SRRM1: variants seen among roughly 807,000 people sequenced by gnomAD.
The protein encoded by SRRM1 is serine/arginine repetitive matrix protein 1.
A neutral mutation model predicts 110.2 loss-of-function variants in SRRM1; 19 were observed. The ratio of observed to expected loss-of-function variants is 0.17; its 90% CI spans 0.12 to 0.25. The LOEUF is 0.25. SRRM1 is among the 10% of genes least tolerant of loss of function. The pLI, the probability that SRRM1 is intolerant of heterozygous loss-of-function variation, is 1.00. For synonymous variants in SRRM1, 443 were observed against 414.9 expected (o/e 1.07, Z -0.82); for missense variants, 918 against 1,145.8 (o/e 0.80, Z 2.87).
At chr1:24,670,589 G>C (rs1288542338) in intron 15 of SRRM1, among the ~76,000 whole-genome samples, 1 of 152,114 alleles carries the variant, frequency 6.6e-6, no homozygotes, top group African/African-American at 2.4e-5. Flanking sequence ...CTTCCTGGAC[G>C]CAGGTGATCC....
chr1:24,651,420 G>A lies in SRRM1; in HGVS notation c.533G>A (p.Arg178Lys). 6.2e-7 allele frequency: 1 copy of A among 1,613,596 alleles called. No homozygotes were observed. The highest frequency in any genetic ancestry group is 8.5e-7 in the Non-Finnish European group (1 of 1,179,848). Reference protein sequence around the residue: ...RSRSPRRRKSRSPSPRRRSSP... With the variant: ...RSRSPRRRKSKSPSPRRRSSP... ...TACTTTCATCCTAGACGCAAATCCA[G>A]ATCTCCTTCCCCTAGAAGACGATCT... Residue 178 changes from arginine to lysine, a missense_variant, in exon 6 of 17, where the codon AGA becomes AAA. Arg to Lys is a conservative substitution (Grantham distance 26). This residue lies in a region of SRRM1 where 456 missense variants were observed against 453.5 expected (regional missense o/e 1.01). Coordinates refer to ENST00000323848, the MANE Select transcript of SRRM1 (RefSeq NM_005839.4).
intron 12 of SRRM1, among the ~76,000 whole-genome samples, chr1:24,664,629 T>C (rs1344187053): frequency 5.9e-5 from 9 of 152,104 alleles, no homozygotes; most frequent in Admixed American, 4.6e-4. Flanking sequence ...TCAATAAGAG[T>C]GTTTTCTTGG....
chr1:24,670,360 A>G, intron 15 of SRRM1, 45 bp downstream of exon 15: 4 of 1,516,324 alleles, frequency 2.6e-6, no homozygotes, highest in South Asian at 1.3e-5. Context: ...AAATATGTAT[A>G]TGGTCACTTT....
intron 8 of SRRM1, among the ~76,000 whole-genome samples, chr1:24,653,531 T>C (rs1662258445): frequency 6.6e-6 from 1 of 152,148 alleles, no homozygotes; most frequent in South Asian, 2.1e-4. Context: ...AACTTGGAAG[T>C]TTTCCATAAT....
At chr1:24,650,380 G>A (rs1659939453) in intron 5 of SRRM1, among the ~76,000 whole-genome samples, 1 of 151,954 alleles carries the variant, frequency 6.6e-6, no homozygotes, top group Non-Finnish European at 1.5e-5. Flanking sequence ...AGTTAATTTG[G>A]GTTTTTAAAA....
intron 8 of SRRM1, chr1:24,654,231 T>C (rs1234761431): frequency 8.6e-7 from 1 of 1,167,328 alleles, no homozygotes; most frequent in East Asian, 5.7e-5. Flanking sequence ...TAGCAGTCAA[T>C]ATTTTACAGA....
At chr1:24,655,530 C>T (rs1663587950) in intron 9 of SRRM1, among the ~76,000 whole-genome samples, 2 of 152,074 alleles carry the variant, frequency 1.3e-5, no homozygotes, top group African/African-American at 4.8e-5. Flanking sequence ...TCTTTTAGTT[C>T]TTTCTTGGTC....
intron 11 of SRRM1, 23 bp from the exon 12 acceptor site, chr1:24,662,636 AT>A (rs774411064): frequency 1.2e-6 from 2 of 1,607,914 alleles, no homozygotes; most frequent in Admixed American, 1.7e-5. Context: ...CTAATGTAAT[AT>A]TTTTTTAATT....
intron 15 of SRRM1, among the ~76,000 whole-genome samples, chr1:24,670,956 T>C (rs1672423039): frequency 6.6e-6 from 1 of 152,248 alleles, no homozygotes; most frequent in East Asian, 1.9e-4. Context: ...AGATGGTAGC[T>C]AGAGACATGG....
chr1:24,662,673 C>G lies in SRRM1; in HGVS notation c.1497C>G (p.Ser499=), dbSNP rs1419679862. The change falls in exon 12 of 17, where the codon TCC becomes TCG. Residue 499 remains serine (S), a synonymous_variant. Coordinates refer to ENST00000323848, the MANE Select transcript of SRRM1 (RefSeq NM_005839.4). ...TTGTAATTATAGACTCTGGCTCCTC[C>G]TCCTCCTCAGAAGATGAACGACCCA... ...NQQSSSDSGS[S]SSSEDERPKR... is the part of the protein sequence containing the mutation. 2 of 1,613,822 alleles carry G rather than the reference C, an allele frequency of 1.2e-6. No individual in the cohort carries two copies. The highest frequency in any genetic ancestry group is 1.7e-5 in the Admixed American group (1 of 59,984).
Position 24,670,315 on chromosome 1 carries a change from A to C in SRRM1, c.2400A>C (p.Arg800Ser). ...CAACACCGAGCCCATCACCGCCAAG[A>C]GTATGTGTCTGCCTTATTTTGGACA... ...KSPTPSPSPP[R>S]NSDQEGGGKK... Residue 800 changes from arginine to serine, a missense_variant and splice_region_variant, in exon 15 of 17, where the codon AGA (arginine) becomes AGC (serine). Arg to Ser is a moderately radical substitution (Grantham distance 110). Transcript: ENST00000323848. The C allele has an allele frequency of 6.2e-7, 1 of 1,602,986 alleles. No homozygotes were observed. Among genetic ancestry groups the C allele is most frequent in the Non-Finnish European group, 8.5e-7 (1 of 1,175,326 alleles).
intron 8 of SRRM1, among the ~76,000 whole-genome samples, chr1:24,654,093 C>T (rs1034158061): frequency 5.3e-5 from 8 of 152,304 alleles, no homozygotes; most frequent in African/African-American, 1.9e-4. Flanking sequence ...TCAGGCATCA[C>T]ACTTTTCTAA....
intron 6 of SRRM1, 72 bp from the exon 7 acceptor site, chr1:24,652,362 A>G (rs1182491362): frequency 1.8e-6 from 2 of 1,095,132 alleles, no homozygotes; most frequent in South Asian, 1.9e-5. Flanking sequence ...ACTTTATTAC[A>G]TCATTGTGTA....
Position 24,672,210 on chromosome 1 carries a change from T to G in SRRM1, c.2639T>G (p.Leu880Arg). 1 of 1,611,118 alleles carries G rather than the reference T, an allele frequency of 6.2e-7. No homozygotes were observed. Among genetic ancestry groups the G allele is most frequent in the Non-Finnish European group, 8.5e-7 (1 of 1,178,398 alleles). Residue 880 changes from leucine (L) to arginine (R), a missense_variant, in exon 17 of 17, where the codon CTT becomes CGT. Physicochemically the swap from Leu to Arg is moderately radical, Grantham distance 102. Around this residue, in one of 5 missense-constraint regions of SRRM1, gnomAD observed 62 missense variants for 127.6 expected, o/e 0.49. Coordinates refer to ENST00000323848, the MANE Select transcript of SRRM1 (RefSeq NM_005839.4). ...KETESEAEDN[L>R]DDLEKHLREK... Reference sequence around the variant, plus strand: ...ACTGAAAGTGAAGCTGAAGATAACCTTGATGATTTAGAAAAGCACCTGCGT... The same window carrying G: ...ACTGAAAGTGAAGCTGAAGATAACCGTGATGATTTAGAAAAGCACCTGCGT...
At chr1:24,649,267 T>C (rs1462160215) in intron 4 of SRRM1, among the ~76,000 whole-genome samples, 1 of 152,212 alleles carries the variant, frequency 6.6e-6, no homozygotes, top group African/African-American at 2.4e-5. Flanking sequence ...TGTGAGTGCA[T>C]GTAGCTTAAA....
chr1:24,664,727 A>G (rs1182947021), intron 12 of SRRM1, among the ~76,000 whole-genome samples: 1 of 152,214 alleles, frequency 6.6e-6, no homozygotes, highest in African/African-American at 2.4e-5. Flanking sequence ...ATAAAAGATA[A>G]AAACCTAAAA....
intron 9 of SRRM1, among the ~76,000 whole-genome samples, chr1:24,656,445 A>G (rs1050978175): frequency 2.0e-5 from 3 of 152,234 alleles, no homozygotes; most frequent in Admixed American, 6.5e-5. Context: ...AAAGTAGAGA[A>G]GCCTGTAACT....
intron 5 of SRRM1, among the ~76,000 whole-genome samples, 199 bp from the exon 6 acceptor site, chr1:24,651,210 T>C (rs1411904480): frequency 6.6e-6 from 1 of 152,338 alleles, no homozygotes; most frequent in South Asian, 2.1e-4. Flanking sequence ...ATAACTGATA[T>C]ACTCGAGAAT....
At chr1:24,656,878 C>T (rs1664430292) in intron 9 of SRRM1, among the ~76,000 whole-genome samples, 1 of 152,110 alleles carries the variant, frequency 6.6e-6, no homozygotes, top group African/African-American at 2.4e-5. Flanking sequence ...TTGGCATATA[C>T]TTTTTGCAAA....
Sources: gnomAD v4.1 joint callset for allele counts (sites outside exome capture counted in the v4.1 genomes callset) on GRCh38, gnomAD v4.1.1 for gene constraint, gnomAD v4.1.1 regional missense constraint, MANE v1.5 for transcripts, NCBI Gene and HGNC (gene_info 2026-07-23, HGNC 2026-07-21) for gene names.